The following RARB variants were observed in gnomAD, a reference collection of about 807,000 sequenced individuals.
The protein encoded by RARB is retinoic acid receptor beta.
Under a neutral mutation model 51.9 loss-of-function variants are expected in RARB, and 17 were observed. The observed-to-expected ratio is 0.33, with a 90% CI of 0.22 to 0.49. The LOEUF (loss-of-function observed/expected upper bound fraction) is 0.49, where lower values mean the gene tolerates loss of function less well. RARB is among the 20% of genes least tolerant of loss of function. The pLI is 0.99. For synonymous variants in RARB, 215 were observed against 195.4 expected (o/e 1.10, Z -0.84); for missense variants, 369 against 550.8 (o/e 0.67, Z 3.30).
At chr3:24,926,506 A>G (rs1296603299) in intron 2 of RARB, among the ~76,000 whole-genome samples, 1 of 152,112 alleles carries the variant, frequency 6.6e-6, no homozygotes, top group Non-Finnish European at 1.5e-5. Context: ...TAGTGCTAAA[A>G]TATCACCTGA....
chr3:25,035,291 T>A (rs1473796857), intron 2 of RARB, among the ~76,000 whole-genome samples: 1 of 152,048 alleles, frequency 6.6e-6, no homozygotes, highest in Non-Finnish European at 1.5e-5. Context: ...CTGGATAATT[T>A]TTGTATTTTC....
At chr3:24,840,274 G>A (rs1286750511) in intron 1 of RARB, among the ~76,000 whole-genome samples, 1 of 152,166 alleles carries the variant, frequency 6.6e-6, no homozygotes, top group Non-Finnish European at 1.5e-5. Flanking sequence ...TAACAGACTT[G>A]TAACTGCCTA....
intron 5 of RARB, among the ~76,000 whole-genome samples, chr3:25,221,592 C>G (rs1326102355): frequency 6.6e-6 from 1 of 152,014 alleles, no homozygotes; most frequent in African/African-American, 2.4e-5. Context: ...AAGTCTAATC[C>G]CCCTAAAAGT....
intron 4 of RARB, among the ~76,000 whole-genome samples, chr3:25,148,576 C>T (rs1428942224): frequency 6.6e-6 from 1 of 152,114 alleles, no homozygotes; most frequent in African/African-American, 2.4e-5. Context: ...TAATCACTGT[C>T]GCTGTACTTT....
At chr3:25,009,088 G>C (rs1697339595) in intron 2 of RARB, among the ~76,000 whole-genome samples, 1 of 152,092 alleles carries the variant, frequency 6.6e-6, no homozygotes, top group South Asian at 2.1e-4. Context: ...AATTTGGCTT[G>C]TCCCTCTAAA....
At chr3:25,529,762 G>A (rs1575491117) in intron 3 of RARB, among the ~76,000 whole-genome samples, 1 of 152,014 alleles carries the variant, frequency 6.6e-6, no homozygotes, top group Non-Finnish European at 1.5e-5. Flanking sequence ...TTTTGTAGGA[G>A]GTAAAGTATA....
chr3:25,243,103 CCT>C (rs1383775161), intron 5 of RARB, among the ~76,000 whole-genome samples: 1 of 151,700 alleles, frequency 6.6e-6, no homozygotes, highest in African/African-American at 2.4e-5. Context: ...GGTTTGGCTC[CCT>C]GTTTGTCTAT....
At chr3:25,565,743 A>G (rs546698972) in intron 3 of RARB, among the ~76,000 whole-genome samples, 83 of 152,160 alleles carry the variant, frequency 5.5e-4, no homozygotes, top group African/African-American at 1.9e-3. Flanking sequence ...TAGGTCATCC[A>G]TTTCCCCCAC....
intron 5 of RARB, among the ~76,000 whole-genome samples, chr3:25,319,420 T>A (rs1704508367): frequency 6.6e-6 from 1 of 152,238 alleles, no homozygotes; most frequent in Non-Finnish European, 1.5e-5. Flanking sequence ...GAGGGGGCTT[T>A]GAGTATTTTG....
At chr3:25,496,601 T>G (rs552548372) in intron 2 of RARB, among the ~76,000 whole-genome samples, 2 of 152,366 alleles carry the variant, frequency 1.3e-5, no homozygotes, top group South Asian at 4.1e-4. Context: ...CATTCCCCCA[T>G]GTCACCTATG....
chr3:25,490,235 G>A (rs1051719894), intron 2 of RARB, among the ~76,000 whole-genome samples: 21 of 152,000 alleles, frequency 1.4e-4, no homozygotes, highest in Admixed American at 1.2e-3. Context: ...TTCCAACATG[G>A]CCCTGAAAAT....
At chr3:24,926,742 C>T (rs995992514) in intron 2 of RARB, among the ~76,000 whole-genome samples, 1 of 151,488 alleles carries the variant, frequency 6.6e-6, no homozygotes, top group Non-Finnish European at 1.5e-5. Flanking sequence ...ATAGCATGCC[C>T]TTACAAATCA....
chr3:25,596,760 T>C lies in RARB; in HGVS notation c.*144T>C. On this transcript the variant is annotated 3_prime_UTR_variant, in exon 8 of 8. Transcript: ENST00000330688. ...AAGGACCAAGAAGTTTTCATATGTA[T>C]CAATATATATACTCCTCACTGTGTA... 1.5e-6 allele frequency: 1 copy of C among 675,736 alleles called. No homozygotes were observed. Among genetic ancestry groups the C allele is most frequent in the Non-Finnish European group, 2.4e-6 (1 of 410,460 alleles). 41.9% of individuals were successfully genotyped at this position (675,736 alleles called of 1,614,324 possible).
At chr3:24,969,384 C>T (rs1304817202) in intron 2 of RARB, among the ~76,000 whole-genome samples, 2 of 152,044 alleles carry the variant, frequency 1.3e-5, no homozygotes, top group African/African-American at 4.8e-5. Flanking sequence ...ACTGCTGTTG[C>T]TATTGTTGTT....
chr3:25,054,084 G>GA (rs1170657357), intron 2 of RARB, among the ~76,000 whole-genome samples: 1 of 152,098 alleles, frequency 6.6e-6, no homozygotes, highest in Admixed American at 6.6e-5. Context: ...AGTACAGCTT[G>GA]ATCAAAGCTA....
chr3:25,119,684 A>G (rs865934860), intron 3 of RARB, among the ~76,000 whole-genome samples: 2 of 152,002 alleles, frequency 1.3e-5, no homozygotes, highest in Non-Finnish European at 2.9e-5. Flanking sequence ...AACAAAAAAA[A>G]CACTGCTCTT....
chr3:25,158,941 GA>G (rs1234199497), intron 4 of RARB, among the ~76,000 whole-genome samples: 1 of 151,978 alleles, frequency 6.6e-6, no homozygotes, highest in Non-Finnish European at 1.5e-5. Context: ...CGATTTGGGG[GA>G]CTAGGCCTGG....
chr3:24,963,767 C>A (rs1258773561), intron 2 of RARB, among the ~76,000 whole-genome samples: 1 of 152,044 alleles, frequency 6.6e-6, no homozygotes, highest in Admixed American at 6.5e-5. Flanking sequence ...TGAGAAAATA[C>A]CTAATACAAT....
chr3:25,397,057 C>T (rs753872101), intron 5 of RARB, among the ~76,000 whole-genome samples: 5 of 152,196 alleles, frequency 3.3e-5, no homozygotes, highest in Admixed American at 6.5e-5. Context: ...ACTGCCCCCG[C>T]AACCTCAGAT....
Sources: gnomAD v4.1 joint callset for allele counts (sites outside exome capture counted in the v4.1 genomes callset) on GRCh38, gnomAD v4.1.1 for gene constraint, MANE v1.5 for transcripts, NCBI Gene and HGNC (gene_info 2026-07-23, HGNC 2026-07-21) for gene names.